SLC5A11: variants seen among roughly 807,000 people sequenced by gnomAD.
SLC5A11 encodes the protein solute carrier family 5 member 11.
SLC5A11 carries 48 observed loss-of-function variants against 69.8 expected under a neutral mutation model. That is an observed-to-expected ratio of 0.69 (90% CI 0.55 to 0.87). SLC5A11 has a LOEUF of 0.87. Ranked by LOEUF, SLC5A11 falls within the 40% of genes least tolerant of loss-of-function variation. The pLI, the probability that SLC5A11 is intolerant of heterozygous loss-of-function variation, is 0.00. For missense variants in SLC5A11, 784 were observed against 866.1 expected, an observed-to-expected ratio of 0.91 and a Z score of 1.19; for synonymous variants, 319 against 342.4, an observed-to-expected ratio of 0.93 and a Z score of 0.75.
intron 9 of SLC5A11, 38 bp from the exon 11 acceptor site, chr16:24,897,936 C>A: frequency 6.2e-7 from 1 of 1,608,396 alleles, no homozygotes; most frequent in South Asian, 1.1e-5. Flanking sequence ...CAAACTATAT[C>A]AGCATTCCCA....
intron 9 of SLC5A11, among the ~76,000 whole-genome samples, chr16:24,896,577 T>C (rs1039878733): frequency 1.3e-5 from 2 of 152,194 alleles, no homozygotes; most frequent in Non-Finnish European, 2.9e-5. Flanking sequence ...CTAATATTTA[T>C]GAAGCAGTTA....
chr16:24,860,607 G>A (rs538964717), intron 2 of SLC5A11, among the ~76,000 whole-genome samples: 1 of 152,320 alleles, frequency 6.6e-6, no homozygotes, highest in South Asian at 2.1e-4. Context: ...GTACACATCA[G>A]AAATGATGAG....
At chr16:24,897,041 C>T (rs954159363) in intron 9 of SLC5A11, among the ~76,000 whole-genome samples, 2 of 150,706 alleles carry the variant, frequency 1.3e-5, no homozygotes, top group African/African-American at 4.9e-5. Flanking sequence ...CACCCTCCAC[C>T]TCCCGGGTTC....
intron 1 of SLC5A11, among the ~76,000 whole-genome samples, chr16:24,856,639 T>C (rs899180495): frequency 7.0e-6 from 1 of 142,836 alleles, no homozygotes; most frequent in Admixed American, 7.1e-5. Flanking sequence ...AGCGTGGTGG[T>C]GGGCGCCTGT....
At chr16:24,853,323 C>T (rs2059394416) in intron 1 of SLC5A11, among the ~76,000 whole-genome samples, 1 of 149,924 alleles carries the variant, frequency 6.7e-6, no homozygotes, top group South Asian at 2.2e-4. Flanking sequence ...TCCCCAGGGC[C>T]TAGTACAGAG....
chr16:24,902,546 CT>C (rs35191056), intron 10 of SLC5A11, among the ~76,000 whole-genome samples: 16,848 of 130,080 alleles, frequency 0.13, 845 homozygotes, highest in Non-Finnish European at 0.15. Context: ...CCAATCAAGT[CT>C]TTTTTTTTTT....
Position 24,908,906 on chromosome 16 carries a change from G to A in SLC5A11, c.1460G>A (p.Gly487Asp), listed in dbSNP as rs2050280289. The A allele has an allele frequency of 2.5e-6, 4 of 1,613,810 alleles. No individual in the cohort carries two copies. In the East Asian group the frequency reaches 8.9e-5, roughly 36 times the overall value. The change falls in exon 14 of 16, where the codon GGC becomes GAC. Residue 487 changes from glycine (G) to aspartate (D), a missense_variant. Around this residue, in one of 3 missense-constraint regions of SLC5A11, gnomAD observed 550 missense variants for 606.4 expected, o/e 0.91. Transcript: ENST00000347898. ...GGTGCCTTCTGGGGCCTGATCTCGG[G>A]CCTGCTCCTGGGCTTGGTTAGGCTG...
chr16:24,885,782 GAAGAA>G (rs2048358190), intron 8 of SLC5A11, among the ~76,000 whole-genome samples: 1 of 151,560 alleles, frequency 6.6e-6, no homozygotes, highest in Non-Finnish European at 1.5e-5. Context: ...TTAGGACTCA[GAAGAA>G]AATATCAAGA....
intron 7 of SLC5A11, among the ~76,000 whole-genome samples, chr16:24,881,993 T>A (rs2048078952): frequency 6.6e-6 from 1 of 152,214 alleles, no homozygotes; most frequent in African/African-American, 2.4e-5. Context: ...AGTCCCCTGA[T>A]ACAGAAAGAC....
intron 4 of SLC5A11, 56 bp downstream of exon 5, chr16:24,870,061 C>A: frequency 2.4e-6 from 3 of 1,253,064 alleles, no homozygotes; most frequent in Non-Finnish European, 3.5e-6. Context: ...ACAGGTAGAT[C>A]TCAGGGGAAA....
intron 10 of SLC5A11, among the ~76,000 whole-genome samples, chr16:24,899,080 A>C (rs1438088354): frequency 1.3e-5 from 2 of 151,866 alleles, no homozygotes; most frequent in African/African-American, 2.4e-5. Context: ...GACCTCCCTA[A>C]ATTCTGGGAT....
Position 24,884,036 on chromosome 16 carries a change from T to A in SLC5A11, c.584-15T>A. 6.2e-7 allele frequency: 1 copy of A among 1,613,552 alleles called. No homozygotes were observed. Among genetic ancestry groups the A allele is most frequent in the East Asian group, 2.2e-5 (1 of 44,874 alleles). ...TTAGACTCCCTGACCCTCACCTCCG[T>A]GCTCATCCCACCAGGTGGCCTGGCT... On this transcript the variant is annotated splice_polypyrimidine_tract_variant and intron_variant, in intron 7 of 15. Transcript: ENST00000347898.
At chr16:24,907,074 C>T (rs377751008) in exon 12 of SLC5A11, 5 of 1,614,132 alleles carry the variant, frequency 3.1e-6, no homozygotes, top group East Asian at 4.5e-5. Flanking sequence ...TCATGTCCTC[C>T]CTCACCTCCA....
intron 5 of SLC5A11, among the ~76,000 whole-genome samples, chr16:24,872,805 G>A (rs1272465653): frequency 2.7e-5 from 4 of 150,446 alleles, no homozygotes; most frequent in Admixed American, 6.6e-5. Flanking sequence ...GGACTTACAG[G>A]CATAAGCCAC....
intron 8 of SLC5A11, among the ~76,000 whole-genome samples, chr16:24,884,513 G>GTTTT (rs10572531): frequency 2.7e-5 from 3 of 110,270 alleles, no homozygotes; most frequent in Non-Finnish European, 3.7e-5. Context: ...TTTTTATTTT[G>GTTTT]TTTTTTTTTT....
chr16:24,902,388 G>A (rs2049698330), intron 10 of SLC5A11, among the ~76,000 whole-genome samples: 1 of 152,096 alleles, frequency 6.6e-6, no homozygotes, highest in South Asian at 2.1e-4. Context: ...GAGTTACTGA[G>A]CTAGTGCCAG....
At chr16:24,884,725 C>T (rs2152343833) in intron 8 of SLC5A11, among the ~76,000 whole-genome samples, 1 of 151,330 alleles carries the variant, frequency 6.6e-6, no homozygotes, top group East Asian at 1.9e-4. Flanking sequence ...ACAGCTTTTC[C>T]TTACAGAGGT....
intron 10 of SLC5A11, among the ~76,000 whole-genome samples, chr16:24,903,787 A>G (rs1277933735): frequency 6.6e-6 from 1 of 152,154 alleles, no homozygotes; most frequent in Non-Finnish European, 1.5e-5. Context: ...GGTTGATTCC[A>G]TATGTTGGCT....
At position 24,858,715 on chromosome 16, in the gene SLC5A11, G is replaced by GGAGCC. The variant is rs1228376536; in HGVS notation, c.73_77dup (p.Gly27SerfsTer8). On this transcript the variant is annotated frameshift_variant, in exon 2 of 16. Coordinates refer to ENST00000347898, the Ensembl canonical transcript of SLC5A11. LOFTEE classifies it high-confidence loss of function. ...TGGATGCGTTTCCCCAGAAGGGCTT[G>GGAGCC]GAGCCTGGGGACATCGCGGTGCTAG... is the stretch of plus-strand genomic sequence containing the variant. 6.2e-7 allele frequency: 1 copy of GGAGCC among 1,611,872 alleles called. No homozygotes were observed. The highest frequency in any genetic ancestry group is 1.7e-5 in the Admixed American group (1 of 59,900).
Sources: gnomAD v4.1 joint callset for allele counts (sites outside exome capture counted in the v4.1 genomes callset) on GRCh38, gnomAD v4.1.1 for gene constraint, gnomAD v4.1.1 regional missense constraint, MANE v1.5 for transcripts, NCBI Gene and HGNC (gene_info 2026-07-23, HGNC 2026-07-21) for gene names.